The following SNX10 variants were observed in gnomAD, a reference collection of about 807,000 sequenced individuals.
SNX10 encodes the protein sorting nexin-10.
Under a neutral mutation model 28.5 loss-of-function variants are expected in SNX10, and 25 were observed. The observed-to-expected ratio is 0.88, with a 90% CI of 0.64 to 1.22. The LOEUF is 1.22. Ranked by LOEUF, SNX10 falls within the 50% of genes most tolerant of loss-of-function variation. The pLI, the probability that SNX10 is intolerant of heterozygous loss-of-function variation, is 0.00. For missense variants in SNX10, 223 were observed against 242.6 expected, an observed-to-expected ratio of 0.92 and a Z score of 0.54; for synonymous variants, 62 against 81.4, an observed-to-expected ratio of 0.76 and a Z score of 1.28.
At chr7:26,338,448 C>G (rs1788030873) in intron 1 of SNX10, among the ~76,000 whole-genome samples, 1 of 151,972 alleles carries the variant, frequency 6.6e-6, no homozygotes, top group African/African-American at 2.4e-5. Context: ...TGTTTTGAGA[C>G]TGCATCTCGC....
intron 2 of SNX10, chr7:26,357,050 T>C: frequency 8.2e-7 from 1 of 1,224,814 alleles, no homozygotes; most frequent in Non-Finnish European, 1.1e-6. Flanking sequence ...AGGCATTGGA[T>C]GTATGAGGCA....
intron 2 of SNX10, chr7:26,354,067 CT>C (rs1343446280): frequency 1.3e-5 from 2 of 152,184 alleles, no homozygotes; most frequent in African/African-American, 4.8e-5. Flanking sequence ...TTAACACCTA[CT>C]CATCTTTACT....
At chr7:26,330,293 T>G (rs1346533753) in intron 1 of SNX10, among the ~76,000 whole-genome samples, 1 of 151,866 alleles carries the variant, frequency 6.6e-6, no homozygotes, top group Admixed American at 6.6e-5. Flanking sequence ...GAGAAGCAGG[T>G]CTTGCTAGGA....
intron 1 of SNX10, among the ~76,000 whole-genome samples, chr7:26,323,223 C>T (rs1337451287): frequency 6.6e-6 from 1 of 152,030 alleles, no homozygotes; most frequent in Non-Finnish European, 1.5e-5. Context: ...GCACTCCAGC[C>T]TGGGTGACAG....
At chr7:26,314,786 G>A (rs1419980967) in intron 1 of SNX10, among the ~76,000 whole-genome samples, 1 of 151,894 alleles carries the variant, frequency 6.6e-6, no homozygotes, top group Non-Finnish European at 1.5e-5. Context: ...GATCACTTGA[G>A]GTCAGAGTTT....
intron 1 of SNX10, among the ~76,000 whole-genome samples, chr7:26,314,682 G>A (rs1786998269): frequency 6.6e-6 from 1 of 152,110 alleles, no homozygotes; most frequent in Admixed American, 6.6e-5. Context: ...TGAACTGCAT[G>A]GGATTCTGCA....
At chr7:26,361,586 C>T (rs1789071206) in intron 3 of SNX10, among the ~76,000 whole-genome samples, 1 of 152,182 alleles carries the variant, frequency 6.6e-6, no homozygotes. Context: ...TGCGTGGATG[C>T]TACTGTATCA....
At chr7:26,323,566 G>A (rs532444051) in intron 1 of SNX10, among the ~76,000 whole-genome samples, 17 of 152,296 alleles carry the variant, frequency 1.1e-4, no homozygotes, top group African/African-American at 4.1e-4. Context: ...CGGCAGGGGT[G>A]GTTGGGGAAG....
In SNX10 at chr7:26,294,935, A is replaced by C. The variant is rs541246641; in HGVS notation, c.-24+2849A>C. On this transcript the variant is annotated intron_variant, in intron 1 of 6. Coordinates refer to ENST00000338523, the MANE Select transcript of SNX10 (RefSeq NM_013322.3). Reference sequence around the variant, plus strand: ...AGTAACTCTCAGCCACCCACCTGCGAATGTAAAGGGCTTAGCCAGGCTTCA... The same window carrying C: ...AGTAACTCTCAGCCACCCACCTGCGCATGTAAAGGGCTTAGCCAGGCTTCA... 3.2e-4 allele frequency among the ~76,000 whole-genome samples: 49 copies of C among 152,308 alleles called. No homozygotes were observed. In the South Asian group the frequency reaches 4.1e-3, roughly 13 times the overall value.
intron 1 of SNX10, among the ~76,000 whole-genome samples, chr7:26,343,296 C>G (rs1428572365): frequency 1.3e-5 from 2 of 152,066 alleles, no homozygotes; most frequent in East Asian, 3.9e-4. Context: ...GGAAGGCCAC[C>G]CTAGGGAAGC....
chr7:26,346,438 T>C lies in SNX10; in HGVS notation c.-5T>C. The C allele has an allele frequency of 6.2e-7, 1 of 1,608,890 alleles. No homozygotes were observed. Among genetic ancestry groups the C allele is most frequent in the Admixed American group, 1.7e-5 (1 of 60,012 alleles). ...TTTTCAGATTGATCGTGTCCTGTGC[T>C]GAAGATGTTTCCGGAACAACAGAAA... is the stretch of plus-strand genomic sequence containing the variant. On this transcript the variant is annotated 5_prime_UTR_variant, in exon 2 of 7. Transcript: ENST00000338523.
intron 5 of SNX10, among the ~76,000 whole-genome samples, chr7:26,365,454 G>A (rs953220277): frequency 6.6e-6 from 1 of 152,178 alleles, no homozygotes; most frequent in African/African-American, 2.4e-5. Flanking sequence ...AATTTGCCAG[G>A]AAACAAATAT....
At chr7:26,327,738 T>C (rs1050988120) in intron 1 of SNX10, among the ~76,000 whole-genome samples, 30 of 142,704 alleles carry the variant, frequency 2.1e-4, no homozygotes, top group African/African-American at 7.8e-4. Context: ...TTTTTTTTTT[T>C]TTTTTTTTTG....
At position 26,364,656 on chromosome 7, in the gene SNX10, T is replaced by A. The variant is rs763279960; in HGVS notation, c.212+21T>A. On this transcript the variant is annotated intron_variant, in intron 4 of 6. Transcript: ENST00000338523. This position sits in a 1 kb window ranked among gnomAD's most constrained non-coding sequence, Gnocchi z 4.9. ...CTGGTGTAAGTGATTTAGAGTATAC[T>A]GTGGAGACTTTGTCATTATATTCAG... 1 of 1,527,532 alleles carries A rather than the reference T, an allele frequency of 6.5e-7. No individual in the cohort carries two copies. The highest frequency in any genetic ancestry group is 1.1e-5 in the South Asian group (1 of 87,798). The allele number at this position is 1,527,532 out of a possible 1,614,324, so 94.6% of individuals were successfully genotyped here.
chr7:26,360,237 C>T (rs1789012341), intron 2 of SNX10, among the ~76,000 whole-genome samples: 1 of 152,088 alleles, frequency 6.6e-6, no homozygotes, highest in African/African-American at 2.4e-5. Flanking sequence ...TTACTTTTCC[C>T]ATGAGCTTTG....
Position 26,373,205 on chromosome 7 carries a change from C to T in SNX10, c.*633C>T, listed in dbSNP as rs1335618443. On this transcript the variant is annotated 3_prime_UTR_variant, in exon 7 of 7. Coordinates refer to ENST00000338523, the MANE Select transcript of SNX10 (RefSeq NM_013322.3). This position sits in a 1 kb window ranked among gnomAD's most constrained non-coding sequence, Gnocchi z 4.2. ...AATAATGTTTACATCTTAGAAAAAA[C>T]ATAGATAGTGCTAGTAATATTACTT... 2 of 152,020 alleles carry T rather than the reference C, an allele frequency of 1.3e-5. No individual in the cohort carries two copies. Among genetic ancestry groups the T allele is most frequent in the Admixed American group, 1.3e-4 (2 of 15,260 alleles). The allele number at this position is 152,020 out of a possible 1,614,324, so 9.4% of individuals were successfully genotyped here. A position where few individuals can be genotyped will look rare whatever the true frequency, so the allele number is the denominator to read the frequency against.
At chr7:26,327,426 A>G (rs962030981) in intron 1 of SNX10, among the ~76,000 whole-genome samples, 4 of 152,166 alleles carry the variant, frequency 2.6e-5, no homozygotes, top group Non-Finnish European at 2.9e-5. Flanking sequence ...GGAGTGCAAT[A>G]TATCACCTGG....
At chr7:26,295,302 T>G (rs2127991861) in intron 1 of SNX10, among the ~76,000 whole-genome samples, 1 of 152,214 alleles carries the variant, frequency 6.6e-6, no homozygotes, top group South Asian at 2.1e-4. Flanking sequence ...GCTCAAGTGA[T>G]CCACCCACCT....
In SNX10 at chr7:26,341,026, C is replaced by T. The variant is rs532582206; in HGVS notation, c.-23-5394C>T. On this transcript the variant is annotated intron_variant, in intron 1 of 6. Transcript: ENST00000338523. ...AATGATTCTTGGAATGGGCTGGGTGCGATGACTCACACCTGTTATTGAGCA... is the reference window on the plus strand; with the variant it reads ...AATGATTCTTGGAATGGGCTGGGTGTGATGACTCACACCTGTTATTGAGCA... 2.0e-5 allele frequency among the ~76,000 whole-genome samples: 3 copies of T among 152,268 alleles called. No individual in the cohort carries two copies. The South Asian group carries it at 6.2e-4, about 32-fold the overall frequency.
Sources: gnomAD v4.1 joint callset for allele counts (sites outside exome capture counted in the v4.1 genomes callset) on GRCh38, gnomAD v4.1.1 for gene constraint, Gnocchi (gnomAD v3.1) non-coding constraint, MANE v1.5 for transcripts, NCBI Gene and HGNC (gene_info 2026-07-23, HGNC 2026-07-21) for gene names.